The following NALF1 variants were observed in gnomAD, a reference collection of about 807,000 sequenced individuals.
The protein encoded by NALF1 is NALCN channel auxiliary factor 1.
NALF1 carries 3 observed loss-of-function variants against 48.4 expected under a neutral mutation model. That is an observed-to-expected ratio of 0.06 (90% CI 0.03 to 0.16). The LOEUF is 0.16. Among genes scored for constraint, NALF1 ranks in the 10% least tolerant of loss-of-function variants. The probability of loss-of-function intolerance (pLI) is 1.00; values close to 1 mark genes in which losing one functional copy is unlikely to be tolerated. For missense variants in NALF1, 526 were observed against 571.5 expected (o/e 0.92, Z 0.81); for synonymous variants, 262 against 245.7 (o/e 1.07, Z -0.62).
At chr13:107,574,662 G>A (rs1320069262) in intron 1 of NALF1, among the ~76,000 whole-genome samples, 1 of 152,100 alleles carries the variant, frequency 6.6e-6, no homozygotes, top group Admixed American at 6.6e-5. Context: ...GTGACCTGTT[G>A]GTAGCAGATC....
chr13:107,410,587 C>T (rs1883973870), intron 1 of NALF1, among the ~76,000 whole-genome samples: 1 of 151,978 alleles, frequency 6.6e-6, no homozygotes, highest in Non-Finnish European at 1.5e-5. Flanking sequence ...CACATACACA[C>T]ACGACAATGC....
At chr13:107,588,511 A>T (rs1878518800) in intron 1 of NALF1, among the ~76,000 whole-genome samples, 1 of 152,128 alleles carries the variant, frequency 6.6e-6, no homozygotes. Flanking sequence ...GTTTGGGCAT[A>T]CGTGAAAGAC....
At chr13:107,646,543 G>A (rs531083513) in intron 1 of NALF1, among the ~76,000 whole-genome samples, 45 of 152,088 alleles carry the variant, frequency 3.0e-4, no homozygotes, top group South Asian at 8.3e-4. Context: ...GTGACTCAAC[G>A]CATTGTTGAT....
At chr13:107,660,956 A>G (rs570886144) in intron 1 of NALF1, among the ~76,000 whole-genome samples, 13 of 152,202 alleles carry the variant, frequency 8.5e-5, no homozygotes, top group Non-Finnish European at 1.8e-4. Flanking sequence ...TGTCTAAAAA[A>G]AAAGTAAGGT....
intron 1 of NALF1, among the ~76,000 whole-genome samples, chr13:107,768,611 T>C (rs1409802505): frequency 1.3e-5 from 2 of 152,136 alleles, no homozygotes; most frequent in Non-Finnish European, 2.9e-5. Flanking sequence ...TAACATCTGA[T>C]AAGCAAATGG....
At chr13:107,316,074 T>A (rs959449169) in intron 1 of NALF1, among the ~76,000 whole-genome samples, 22 of 151,484 alleles carry the variant, frequency 1.5e-4, no homozygotes, top group African/African-American at 4.8e-4. Context: ...CAGTCCCCAG[T>A]GTGTGATGTT....
At position 107,665,398 on chromosome 13, in the gene NALF1, G is replaced by C. The variant is rs1416220352; in HGVS notation, c.915+200284C>G. On this transcript the variant is annotated intron_variant, in intron 1 of 2. Coordinates refer to ENST00000375915, the MANE Select transcript of NALF1 (RefSeq NM_001080396.3). ...AGTATCATGATAGTTCTTACTCTTA[G>C]GCAATAGTTTTGTTTTTGTTTTTTA... 4.6e-5 allele frequency among the ~76,000 whole-genome samples: 7 copies of C among 152,044 alleles called. No individual in the cohort carries two copies. The East Asian group carries it at 1.2e-3, about 25-fold the overall frequency.
chr13:107,248,237 G>C (rs1880623176), intron 1 of NALF1, among the ~76,000 whole-genome samples: 1 of 152,026 alleles, frequency 6.6e-6, no homozygotes, highest in Admixed American at 6.6e-5. Context: ...AAAAAAAGGA[G>C]AAAAGGCCCA....
intron 1 of NALF1, among the ~76,000 whole-genome samples, chr13:107,770,791 G>C (rs1877556392): frequency 6.6e-6 from 1 of 152,178 alleles, no homozygotes; most frequent in African/African-American, 2.4e-5. Context: ...CTTTGTACTA[G>C]TCAATTAAAT....
chr13:107,504,788 C>T (rs937343062), intron 1 of NALF1, among the ~76,000 whole-genome samples: 8 of 152,180 alleles, frequency 5.3e-5, no homozygotes, highest in African/African-American at 1.9e-4. Flanking sequence ...GCCATTCTAA[C>T]TTATTCTGTT....
intron 2 of NALF1, among the ~76,000 whole-genome samples, chr13:107,180,401 G>A: frequency 6.6e-6 from 1 of 151,848 alleles, no homozygotes; most frequent in East Asian, 1.9e-4. Flanking sequence ...ATAAAACATG[G>A]CATTATTTAA....
intron 1 of NALF1, among the ~76,000 whole-genome samples, chr13:107,493,951 T>C (rs1480292057): frequency 6.6e-6 from 1 of 152,082 alleles, no homozygotes; most frequent in Non-Finnish European, 1.5e-5. Context: ...CATATATCCA[T>C]TAGAGAAAAC....
At chr13:107,339,374 T>C (rs1360716317) in intron 1 of NALF1, among the ~76,000 whole-genome samples, 4 of 152,052 alleles carry the variant, frequency 2.6e-5, no homozygotes, top group African/African-American at 9.7e-5. Flanking sequence ...TTGGCAATGC[T>C]TCTCATGATT....
At chr13:107,580,797 C>T (rs1353122052) in intron 1 of NALF1, among the ~76,000 whole-genome samples, 2 of 152,144 alleles carry the variant, frequency 1.3e-5, no homozygotes, top group African/African-American at 2.4e-5. Flanking sequence ...TATAACTAAA[C>T]ATTTTAACAA....
At chr13:107,425,338 C>T (rs183281403) in intron 1 of NALF1, among the ~76,000 whole-genome samples, 4 of 152,158 alleles carry the variant, frequency 2.6e-5, no homozygotes, top group East Asian at 1.9e-4. Context: ...ATACTATAAA[C>T]GTGTTTTCCC....
chr13:107,548,095 T>C (rs1179407911), intron 1 of NALF1, among the ~76,000 whole-genome samples: 1 of 152,046 alleles, frequency 6.6e-6, no homozygotes, highest in African/African-American at 2.4e-5. Flanking sequence ...CAATATCCAA[T>C]AGTTATTTTT....
At chr13:107,595,221 T>C (rs1878708280) in intron 1 of NALF1, among the ~76,000 whole-genome samples, 2 of 152,128 alleles carry the variant, frequency 1.3e-5, no homozygotes, top group Admixed American at 1.3e-4. Context: ...AAACCATCCA[T>C]AATCATGGAA....
chr13:107,408,579 G>C (rs1379897803), intron 1 of NALF1, among the ~76,000 whole-genome samples: 2 of 152,076 alleles, frequency 1.3e-5, no homozygotes, highest in African/African-American at 4.8e-5. Flanking sequence ...AGCTAGTTCT[G>C]TATGGACACA....
chr13:107,491,959 G>C (rs1875140292), intron 1 of NALF1, among the ~76,000 whole-genome samples: 1 of 150,846 alleles, frequency 6.6e-6, no homozygotes, highest in Admixed American at 6.6e-5. Flanking sequence ...AGATGCCTGG[G>C]CACCTGTTAT....
Sources: allele counts gnomAD v4.1 joint callset (sites outside exome capture counted in the v4.1 genomes callset), GRCh38; gene constraint gnomAD v4.1.1; transcripts MANE v1.5; gene names NCBI Gene and HGNC (gene_info 2026-07-23, HGNC 2026-07-21).